Variants in CADPS2 observed in about 807,000 individuals in gnomAD.
The protein encoded by CADPS2 is calcium-dependent secretion activator 2.
Under a neutral mutation model 172.5 loss-of-function variants are expected in CADPS2, and 93 were observed. The observed-to-expected ratio is 0.54, with a 90% CI of 0.46 to 0.64. The LOEUF (loss-of-function observed/expected upper bound fraction) is 0.64, where lower values mean the gene tolerates loss of function less well. Among genes scored for constraint, CADPS2 ranks in the 30% least tolerant of loss-of-function variants. The pLI is 0.00. For synonymous variants in CADPS2, 546 were observed against 555.2 expected, an observed-to-expected ratio of 0.98 and a Z score of 0.23; for missense variants, 1,420 against 1,565.9, an observed-to-expected ratio of 0.91 and a Z score of 1.57.
intron 27 of CADPS2, among the ~76,000 whole-genome samples, chr7:122,353,719 C>T (rs2151063518): frequency 6.6e-6 from 1 of 152,312 alleles, no homozygotes; most frequent in South Asian, 2.1e-4. Context: ...TCATCTTGTC[C>T]TATTTCCCAC....
At chr7:122,429,969 A>G (rs538777505) in intron 17 of CADPS2, among the ~76,000 whole-genome samples, 286 of 152,232 alleles carry the variant, frequency 1.9e-3, no homozygotes, top group Middle Eastern at 0.014. Context: ...ATCGTGTACA[A>G]TGGAGTGTTA....
At chr7:122,569,268 A>G (rs2066876019) in intron 7 of CADPS2, among the ~76,000 whole-genome samples, 1 of 151,994 alleles carries the variant, frequency 6.6e-6, no homozygotes, top group Admixed American at 6.6e-5. Flanking sequence ...TCATGAGTGA[A>G]CTCCCATTCA....
At chr7:122,361,224 CTTTTTTTT>C (rs376434122) in intron 25 of CADPS2, among the ~76,000 whole-genome samples, 1 of 103,434 alleles carries the variant, frequency 9.7e-6, no homozygotes, top group Non-Finnish European at 2.0e-5. Flanking sequence ...AAATAATACA[CTTTTTTTT>C]TTTTTTTTTT....
chr7:122,533,587 C>T (rs1410098204), intron 8 of CADPS2, among the ~76,000 whole-genome samples: 5 of 152,126 alleles, frequency 3.3e-5, no homozygotes, highest in Non-Finnish European at 7.4e-5. Context: ...CTTTGTGTTT[C>T]CCTTAGCTTC....
intron 6 of CADPS2, among the ~76,000 whole-genome samples, chr7:122,608,743 C>G (rs1271162457): frequency 6.6e-6 from 1 of 152,088 alleles, no homozygotes; most frequent in Non-Finnish European, 1.5e-5. Context: ...GAAGGAGAGA[C>G]AGAGAGGGTG....
chr7:122,846,977 A>G (rs1223023948), intron 1 of CADPS2, among the ~76,000 whole-genome samples: 1 of 152,210 alleles, frequency 6.6e-6, no homozygotes, highest in Non-Finnish European at 1.5e-5. Context: ...CAGATCCAGG[A>G]ACATGCATTT....
intron 9 of CADPS2, among the ~76,000 whole-genome samples, chr7:122,492,776 TGCAGCCTCCACCTTTGGTGATCCA>T (rs1237916305): frequency 3.3e-5 from 5 of 152,118 alleles, no homozygotes; most frequent in Admixed American, 1.3e-4. Flanking sequence ...TATGGCTCAT[TGCAGCCTCCACCTTTGGTGATCCA>T]GTGATCCTCC....
At chr7:122,401,627 A>G (rs2045966908) in intron 20 of CADPS2, among the ~76,000 whole-genome samples, 1 of 152,202 alleles carries the variant, frequency 6.6e-6, no homozygotes, top group Non-Finnish European at 1.5e-5. Flanking sequence ...TTATGAAAAC[A>G]TTTATCTTCC....
chr7:122,726,966 A>G (rs1562867370), intron 2 of CADPS2, among the ~76,000 whole-genome samples: 1 of 151,954 alleles, frequency 6.6e-6, no homozygotes, highest in Non-Finnish European at 1.5e-5. Context: ...TGAAGGAGTA[A>G]TCCTGTAAAA....
chr7:122,382,130 A>G (rs1390404833), intron 24 of CADPS2: 2 of 152,120 alleles, frequency 1.3e-5, no homozygotes, highest in African/African-American at 2.4e-5. Flanking sequence ...AGAAAAAGTC[A>G]TTCATTAGGG....
At chr7:122,775,450 C>T (rs2093848998) in intron 1 of CADPS2, among the ~76,000 whole-genome samples, 1 of 152,164 alleles carries the variant, frequency 6.6e-6, no homozygotes, top group Non-Finnish European at 1.5e-5. Context: ...GCATCTGTGT[C>T]ACACCTGAGA....
intron 1 of CADPS2, chr7:122,849,905 A>T: frequency 3.5e-6 from 2 of 570,012 alleles, no homozygotes; most frequent in South Asian, 3.2e-5. Context: ...CCCTGCCCCA[A>T]CCATGGCATC....
intron 14 of CADPS2, among the ~76,000 whole-genome samples, chr7:122,455,401 T>A (rs1351645018): frequency 6.6e-6 from 1 of 150,636 alleles, no homozygotes; most frequent in Non-Finnish European, 1.5e-5. Flanking sequence ...TTAATAATAA[T>A]ATTTATTAAA....
chr7:122,626,274 A>G (rs1010990807), intron 4 of CADPS2, among the ~76,000 whole-genome samples: 3 of 152,170 alleles, frequency 2.0e-5, no homozygotes, highest in Admixed American at 6.5e-5. Context: ...AATCCAGGAG[A>G]CTGGCTAAAA....
intron 6 of CADPS2, 52 bp from the exon 7 acceptor site, chr7:122,581,342 C>T: frequency 2.1e-6 from 3 of 1,427,630 alleles, no homozygotes; most frequent in South Asian, 2.3e-5. Context: ...ATTTTTTTCC[C>T]CAAGGAGATG....
intron 7 of CADPS2, among the ~76,000 whole-genome samples, chr7:122,563,908 C>A (rs993223727): frequency 2.0e-5 from 3 of 152,076 alleles, no homozygotes; most frequent in African/African-American, 7.2e-5. Context: ...CAGAAATGCT[C>A]CAAAACCCTA....
At chr7:122,871,849 C>T (rs1819843616) in intron 1 of CADPS2, among the ~76,000 whole-genome samples, 1 of 152,064 alleles carries the variant, frequency 6.6e-6, no homozygotes, top group African/African-American at 2.4e-5. Flanking sequence ...GCTACTTCTT[C>T]TCCATTTCCT....
chr7:122,399,303 TTA>T (rs1419877376), intron 20 of CADPS2, among the ~76,000 whole-genome samples: 2 of 152,210 alleles, frequency 1.3e-5, no homozygotes, highest in African/African-American at 2.4e-5. Flanking sequence ...CCACTAGATT[TTA>T]TGTTTTTCAA....
chr7:122,712,088 C>T (rs1382697122), intron 2 of CADPS2, among the ~76,000 whole-genome samples: 1 of 152,012 alleles, frequency 6.6e-6, no homozygotes, highest in Non-Finnish European at 1.5e-5. Flanking sequence ...ACTCTACATC[C>T]TTTCTTAGGA....
Sources: allele counts gnomAD v4.1 joint callset (sites outside exome capture counted in the v4.1 genomes callset), GRCh38; gene constraint gnomAD v4.1.1; transcripts MANE v1.5; gene names NCBI Gene and HGNC (gene_info 2026-07-23, HGNC 2026-07-21).